MEF2D: variants seen among roughly 807,000 people sequenced by gnomAD.
MEF2D encodes myocyte enhancer factor 2D, also known as myocyte-specific enhancer factor 2D.
A neutral mutation model predicts 59.3 loss-of-function variants in MEF2D; 10 were observed. The ratio of observed to expected loss-of-function variants is 0.17; its 90% CI spans 0.10 to 0.29. The LOEUF is 0.29. MEF2D is among the 10% of genes least tolerant of loss of function. The pLI is 1.00. For synonymous variants in MEF2D, 305 were observed against 295.0 expected (o/e 1.03, Z -0.35); for missense variants, 508 against 699.4 (o/e 0.73, Z 3.09).
chr1:156,487,369 C>G (rs1454076286), intron 1 of MEF2D, among the ~76,000 whole-genome samples: 1 of 152,208 alleles, frequency 6.6e-6, no homozygotes, highest in African/African-American at 2.4e-5. Context: ...CTTCCCAGGC[C>G]CCTTTCCCCA....
intron 1 of MEF2D, among the ~76,000 whole-genome samples, chr1:156,497,955 TA>T (rs71591942): frequency 2.0e-4 from 30 of 151,568 alleles, no homozygotes; most frequent in Non-Finnish European, 3.8e-4. Context: ...GGCTGGGCCA[TA>T]ATCAATGAGG....
In MEF2D at chr1:156,482,625, G is replaced by T. The variant is rs1452971702; in HGVS notation, c.70C>A (p.Arg24=). 2 of 1,614,244 alleles carry T rather than the reference G, an allele frequency of 1.2e-6. No homozygotes were observed. Among genetic ancestry groups the T allele is most frequent in the South Asian group, 2.2e-5 (2 of 91,090 alleles). The part of the protein sequence containing the change: ...ERNRQVTFTK[R]KFGLMKKAYE... ...GCCTTCTTCATCAGGCCAAACTTCCGCTTGGTGAAAGTCACCTGCAGAGAA... is the reference window on the plus strand; with the variant it reads ...GCCTTCTTCATCAGGCCAAACTTCCTCTTGGTGAAAGTCACCTGCAGAGAA... The change falls in exon 3 of 12, where the codon CGG becomes AGG. Residue 24 remains arginine (R), a synonymous_variant. Transcript: ENST00000348159.
chr1:156,469,582 T>C (rs1395501153), intron 9 of MEF2D, among the ~76,000 whole-genome samples: 1 of 116,738 alleles, frequency 8.6e-6, no homozygotes. Context: ...AAAAATAGTG[T>C]TGAACTTAAA....
chr1:156,476,510 T>C lies in MEF2D; in HGVS notation c.860A>G (p.Glu287Gly). 6.2e-7 allele frequency: 1 copy of C among 1,611,774 alleles called. No homozygotes were observed. Among genetic ancestry groups the C allele is most frequent in the Non-Finnish European group, 8.5e-7 (1 of 1,179,020 alleles). Reference protein sequence around the residue: ...AGKGLMHHLTEDHLDLNNAQR... With the variant: ...AGKGLMHHLTGDHLDLNNAQR... The stretch of plus-strand genomic sequence containing the variant: ...CTCACTTACCAGATCTAAATGGTCC[T>C]CAGTCTGAGAGCAGAAATAAAACCA... The change falls in exon 8 of 12, where the codon GAG becomes GGG. Residue 287 changes from glutamate (E) to glycine (G), a missense_variant. Around this residue, in one of 2 missense-constraint regions of MEF2D, gnomAD observed 481 missense variants for 584.7 expected, o/e 0.82. Transcript: ENST00000348159.
chr1:156,468,040 G>C lies in MEF2D; in HGVS notation c.1507C>G (p.Pro503Ala), dbSNP rs1202900675. 6.2e-7 allele frequency: 1 copy of C among 1,613,954 alleles called. No individual in the cohort carries two copies. Among genetic ancestry groups the C allele is most frequent in the South Asian group, 1.1e-5 (1 of 91,062 alleles). ...TLGLLRPAPE[P>A]EAEGSAVKRM... ...TTCACAGCTGAGCCCTCAGCCTCAG[G>C]CTCTGGGGCTGGGCGCAGCAGGCCC... Residue 503 changes from proline to alanine, a missense_variant, in exon 11 of 12, where the codon CCT (proline) becomes GCT (alanine). Transcript: ENST00000348159. The surrounding 1 kb of genome is among the most constrained non-coding windows in gnomAD (Gnocchi z 4.3).
intron 1 of MEF2D, chr1:156,484,068 AGC>A (rs1672186768): frequency 6.6e-6 from 1 of 152,232 alleles, no homozygotes. Context: ...TTACTCAGTG[AGC>A]TTAAGCCTAA....
chr1:156,473,109 C>T (rs1444982612), intron 9 of MEF2D, among the ~76,000 whole-genome samples: 1 of 152,004 alleles, frequency 6.6e-6, no homozygotes, highest in Non-Finnish European at 1.5e-5. Flanking sequence ...CCTCTGCCTC[C>T]CGGATTCAAG....
In MEF2D at chr1:156,472,541, ATT is replaced by A. The variant is rs547558795; in HGVS notation, c.1006+2565_1006+2566del. 1.3e-3 allele frequency among the ~76,000 whole-genome samples: 204 copies of A among 151,992 alleles called. 1 individual carries two copies. Among genetic ancestry groups the A allele is most frequent in the Non-Finnish European group, 1.7e-3 (117 of 67,954 alleles). On this transcript the variant is annotated intron_variant, in intron 9 of 11. Coordinates refer to ENST00000348159, the MANE Select transcript of MEF2D (RefSeq NM_005920.4). ...TCCTACACAGAGGGCTGGGTTCTGG[ATT>A]TTTCTTTTTTTTCCCTTTTTTTGAG...
At chr1:156,498,628 C>A (rs1002606332) in intron 1 of MEF2D, among the ~76,000 whole-genome samples, 1 of 151,700 alleles carries the variant, frequency 6.6e-6, no homozygotes, top group Admixed American at 6.6e-5. Context: ...CCAGAGAGAC[C>A]AGAGACCTCT....
rs1162270625 is a variant in MEF2D at position 156,466,117 on chromosome 1, C to T, written c.*1528G>A. The T allele has an allele frequency of 6.6e-6, 1 of 152,234 alleles. No homozygotes were observed. Among genetic ancestry groups the T allele is most frequent in the Non-Finnish European group, 1.5e-5 (1 of 68,064 alleles). 9.4% of individuals were successfully genotyped at this position (152,234 alleles called of 1,614,324 possible). Reference sequence around the variant, plus strand: ...CTCAGGACCCCGTGCTTCGGCTGCCCCTGGGCCCCTTGCCCACTGCCCCAC... The same window carrying T: ...CTCAGGACCCCGTGCTTCGGCTGCCTCTGGGCCCCTTGCCCACTGCCCCAC... On this transcript the variant is annotated 3_prime_UTR_variant, in exon 12 of 12. Coordinates refer to ENST00000348159, the MANE Select transcript of MEF2D (RefSeq NM_005920.4).
Position 156,468,678 on chromosome 1 carries a change from T to C in MEF2D, c.1247+102A>G, listed in dbSNP as rs994399632. 6.6e-7 allele frequency: 1 copy of C among 1,524,594 alleles called. No individual in the cohort carries two copies. The highest frequency in any genetic ancestry group is 8.9e-7 in the Non-Finnish European group (1 of 1,128,492). 94.4% of individuals were successfully genotyped at this position (1,524,594 alleles called of 1,614,324 possible). ...GTGCAGTGCACAGCCTCATAGGATG[T>C]CCACTAGAACCCTGCAGGGAACCCA... On this transcript the variant is annotated intron_variant, in intron 10 of 11. Coordinates refer to ENST00000348159, the MANE Select transcript of MEF2D (RefSeq NM_005920.4). The surrounding 1 kb of genome is among the most constrained non-coding windows in gnomAD (Gnocchi z 4.3).
chr1:156,478,204 C>CT (rs1671744716), intron 6 of MEF2D, among the ~76,000 whole-genome samples: 1 of 152,152 alleles, frequency 6.6e-6, no homozygotes, highest in African/African-American at 2.4e-5. Flanking sequence ...TCACCCACCC[C>CT]TTTAATTTCC....
intron 1 of MEF2D, among the ~76,000 whole-genome samples, chr1:156,489,331 A>C (rs991807408): frequency 1.3e-5 from 2 of 152,130 alleles, no homozygotes; most frequent in Admixed American, 6.5e-5. Context: ...TGTCACCCCC[A>C]CAGTCAGGCA....
At chr1:156,498,231 C>T (rs1489402367) in intron 1 of MEF2D, among the ~76,000 whole-genome samples, 1 of 152,040 alleles carries the variant, frequency 6.6e-6, no homozygotes, top group Non-Finnish European at 1.5e-5. Flanking sequence ...GATGCCCAGG[C>T]CCTCCAGCCC....
In MEF2D at chr1:156,468,345, G is replaced by C. The variant is rs1671004049; in HGVS notation, c.1248-46C>G. ...TGGGGTACAAGGGATAAAAACAGAG[G>C]GGGTGAGTGACAGAACAAGTGATAG... On this transcript the variant is annotated intron_variant, in intron 10 of 11. Coordinates refer to ENST00000348159, the MANE Select transcript of MEF2D (RefSeq NM_005920.4). The surrounding 1 kb of genome is among the most constrained non-coding windows in gnomAD (Gnocchi z 4.3). 2 of 1,387,012 alleles carry C rather than the reference G, an allele frequency of 1.4e-6. No individual in the cohort carries two copies. Among genetic ancestry groups the C allele is most frequent in the Non-Finnish European group, 2.0e-6 (2 of 1,017,524 alleles). The allele number at this position is 1,387,012 out of a possible 1,614,324, so 85.9% of individuals were successfully genotyped here. A position where few individuals can be genotyped will look rare whatever the true frequency, so the allele number is the denominator to read the frequency against.
intron 1 of MEF2D, among the ~76,000 whole-genome samples, chr1:156,492,549 C>T (rs943860236): frequency 3.9e-5 from 6 of 152,190 alleles, no homozygotes; most frequent in African/African-American, 1.4e-4. Flanking sequence ...AACAATGAAG[C>T]CCAGCAGTGG....
rs548065698 is a variant in MEF2D at position 156,495,698 on chromosome 1, A to G, written c.-139+4788T>C. On this transcript the variant is annotated intron_variant, in intron 1 of 11. Transcript: ENST00000348159. Reference sequence around the variant, plus strand: ...TAAAAAGTTGTGGTTTTTGGTCTTCAAAGTATACTGGAAAGTTGGGCAAGA... The same window carrying G: ...TAAAAAGTTGTGGTTTTTGGTCTTCGAAGTATACTGGAAAGTTGGGCAAGA... Among the ~76,000 whole-genome samples, 6 of 145,858 alleles carry G rather than the reference A, an allele frequency of 4.1e-5. No individual in the cohort carries two copies. In the East Asian group the frequency reaches 1.0e-3, roughly 25 times the overall value.
intron 1 of MEF2D, among the ~76,000 whole-genome samples, chr1:156,492,396 C>T (rs996183126): frequency 2.6e-5 from 4 of 152,196 alleles, no homozygotes; most frequent in South Asian, 2.1e-4. Flanking sequence ...ACCAAGCATG[C>T]GAGGCTGGTG....
chr1:156,472,472 A>G (rs1202562489), intron 9 of MEF2D, among the ~76,000 whole-genome samples: 2 of 152,224 alleles, frequency 1.3e-5, no homozygotes, highest in African/African-American at 2.4e-5. Context: ...GTCCCTCAAC[A>G]TGAGGCGGTC....
Sources: allele counts gnomAD v4.1 joint callset (sites outside exome capture counted in the v4.1 genomes callset), GRCh38; gene constraint gnomAD v4.1.1; regional missense constraint gnomAD v4.1.1; non-coding constraint Gnocchi (gnomAD v3.1); transcripts MANE v1.5; gene names NCBI Gene and HGNC (gene_info 2026-07-23, HGNC 2026-07-21).